PCDH11X: variants seen among roughly 807,000 people sequenced by gnomAD.
PCDH11X encodes the protein protocadherin-11 X-linked.
Under a neutral mutation model 53.3 loss-of-function variants are expected in PCDH11X, and 18 were observed. The observed-to-expected ratio is 0.34, with a 90% CI of 0.23 to 0.50. The LOEUF (loss-of-function observed/expected upper bound fraction) is 0.50, where lower values mean the gene tolerates loss of function less well. PCDH11X is among the 20% of genes least tolerant of loss of function. PCDH11X has a pLI of 0.98. For missense variants in PCDH11X, 570 were observed against 1,032.4 expected (o/e 0.55, Z 6.14); for synonymous variants, 279 against 393.3 (o/e 0.71, Z 3.44).
chrX:92,007,755 C>T (rs987655224), intron 6 of PCDH11X, among the ~76,000 whole-genome samples: 2 of 112,145 alleles, frequency 1.8e-5, no homozygotes, highest in Non-Finnish European at 3.8e-5. Flanking sequence ...ATGCACTGAG[C>T]CTCACCTGGA....
At chrX:92,595,709 T>A (rs1430872005) in intron 10 of PCDH11X, among the ~76,000 whole-genome samples, 7 of 62,976 alleles carry the variant, frequency 1.1e-4, no homozygotes, top group Non-Finnish European at 2.1e-4. Context: ...CTTTCAAAGT[T>A]TTGTTTCCTT....
At chrX:91,845,607 A>G (rs961492044) in intron 5 of PCDH11X, among the ~76,000 whole-genome samples, 1 of 111,706 alleles carries the variant, frequency 9.0e-6, no homozygotes, top group Non-Finnish European at 1.9e-5. Context: ...GAATGGATAT[A>G]TGGCCCTAAA....
At chrX:92,453,030 T>C (rs2072832337) in intron 9 of PCDH11X, among the ~76,000 whole-genome samples, 1 of 100,997 alleles carries the variant, frequency 9.9e-6, no homozygotes, top group Non-Finnish European at 2.0e-5. Context: ...TGCCTTTTTA[T>C]GGATATGTCA....
Position 92,528,767 on chromosome X carries a change from A to C in PCDH11X, c.3367+60445A>C, listed in dbSNP as rs184010777. Among the ~76,000 whole-genome samples the C allele has an allele frequency of 5.0e-3, 557 of 111,849 alleles. 5 individuals carry two copies. In the South Asian group the frequency reaches 0.069, roughly 14 times the overall value. The stretch of plus-strand genomic sequence containing the variant: ...GTGTTTTAATGAAGTTTTAAGTATG[A>C]AAAAAAGAACATTCAGTTGTCTTTT... On this transcript the variant is annotated intron_variant, in intron 10 of 10. Transcript: ENST00000682573.
intron 5 of PCDH11X, among the ~76,000 whole-genome samples, chrX:91,846,625 AAAAAAAG>A (rs1161752717): frequency 1.8e-5 from 2 of 110,741 alleles, no homozygotes; most frequent in African/African-American, 6.6e-5. Flanking sequence ...CTCAAAAAAA[AAAAAAAG>A]AAAAAAGTTA....
intron 7 of PCDH11X, among the ~76,000 whole-genome samples, chrX:92,218,004 A>C (rs775645250): frequency 3.2e-4 from 35 of 108,389 alleles, no homozygotes; most frequent in African/African-American, 1.1e-3. Context: ...TTTGAAACCA[A>C]TGAGAACAAA....
intron 8 of PCDH11X, among the ~76,000 whole-genome samples, chrX:92,270,906 TG>T (rs1162734228): frequency 8.9e-6 from 1 of 111,862 alleles, no homozygotes; most frequent in Non-Finnish European, 1.9e-5. Flanking sequence ...TGGGCTCCCA[TG>T]TTTTTATTTT....
intron 1 of PCDH11X, among the ~76,000 whole-genome samples, chrX:91,784,107 T>A (rs1435565165): frequency 1.8e-5 from 2 of 112,056 alleles, no homozygotes; most frequent in Non-Finnish European, 3.8e-5. Flanking sequence ...ATATGTGTGT[T>A]TTGTAGACCT....
In PCDH11X at chrX:92,085,241, A is replaced by T. The variant is rs181092489; in HGVS notation, c.3034-116134A>T. Among the ~76,000 whole-genome samples the T allele has an allele frequency of 6.3e-5, 7 of 110,874 alleles. No homozygotes were observed. In the East Asian group the frequency reaches 2.0e-3, roughly 32 times the overall value. On this transcript the variant is annotated intron_variant, in intron 6 of 10. Coordinates refer to ENST00000682573, the MANE Select transcript of PCDH11X (RefSeq NM_032968.5). ...ATTGGCTGAAACTTCGCTCTTTGCT[A>T]CAAAATATACATCTAAATTGGGTTT...
rs187097915 is a variant in PCDH11X, at chrX:91,984,762, G to T, written c.3033+105489G>T. Among the ~76,000 whole-genome samples the T allele has an allele frequency of 6.0e-3, 674 of 111,723 alleles. 5 individuals carry two copies. The highest frequency in any genetic ancestry group is 0.021 in the African/African-American group (649 of 30,774). ...TCTCCCGCCCCCCATCCAGAGACCA[G>T]ACTAACATAGGCATAGTTCCTTGGA... On this transcript the variant is annotated intron_variant, in intron 6 of 10. Transcript: ENST00000682573.
chrX:92,131,717 C>T (rs184075817), intron 6 of PCDH11X, among the ~76,000 whole-genome samples: 93 of 111,235 alleles, frequency 8.4e-4, no homozygotes, highest in African/African-American at 2.8e-3. Flanking sequence ...AGCCTCAGTA[C>T]ATTTACTTAA....
intron 5 of PCDH11X, among the ~76,000 whole-genome samples, chrX:91,837,576 T>A (rs1462045760): frequency 9.0e-6 from 1 of 111,449 alleles, no homozygotes; most frequent in Non-Finnish European, 1.9e-5. Flanking sequence ...TCTTCAGTCA[T>A]AATATGAGGA....
chrX:92,263,871 G>T (rs2148416574), intron 8 of PCDH11X, among the ~76,000 whole-genome samples: 2 of 112,065 alleles, frequency 1.8e-5, no homozygotes, highest in South Asian at 7.3e-4. Flanking sequence ...TTTTCCAGTT[G>T]TTTATTAACA....
intron 9 of PCDH11X, among the ~76,000 whole-genome samples, chrX:92,438,757 T>C (rs1183059657): frequency 9.0e-6 from 1 of 111,325 alleles, no homozygotes; most frequent in Non-Finnish European, 1.9e-5. Context: ...TATTTCTCCA[T>C]AATTATTCAC....
intron 6 of PCDH11X, among the ~76,000 whole-genome samples, chrX:91,933,408 T>C (rs2061410802): frequency 9.1e-6 from 1 of 109,496 alleles, no homozygotes. Context: ...TTTTGATGTA[T>C]AATATTACTT....
At chrX:92,268,762 G>A (rs1209369095) in intron 8 of PCDH11X, among the ~76,000 whole-genome samples, 1 of 111,469 alleles carries the variant, frequency 9.0e-6, no homozygotes, top group Non-Finnish European at 1.9e-5. Context: ...TAATGTAAAG[G>A]ACACTTTGAT....
chrX:92,133,971 G>A (rs536801075), intron 6 of PCDH11X, among the ~76,000 whole-genome samples: 2 of 111,733 alleles, frequency 1.8e-5, no homozygotes, highest in South Asian at 7.5e-4. Flanking sequence ...ATATATGTAA[G>A]ATATACATTG....
At chrX:92,122,566 C>T (rs1328620789) in intron 6 of PCDH11X, among the ~76,000 whole-genome samples, 28 of 111,861 alleles carry the variant, frequency 2.5e-4, no homozygotes, top group African/African-American at 9.1e-4. Flanking sequence ...CAATGGATGT[C>T]ACATTAAATA....
At chrX:92,033,752 C>T (rs889171874) in intron 6 of PCDH11X, among the ~76,000 whole-genome samples, 2 of 110,396 alleles carry the variant, frequency 1.8e-5, no homozygotes, top group African/African-American at 6.6e-5. Flanking sequence ...TCTATTTCTC[C>T]TCCGATCTTT....
Sources: gnomAD v4.1 joint callset for allele counts (sites outside exome capture counted in the v4.1 genomes callset) on GRCh38, gnomAD v4.1.1 for gene constraint, MANE v1.5 for transcripts, NCBI Gene and HGNC (gene_info 2026-07-23, HGNC 2026-07-21) for gene names.